Variants in SLC15A1 observed in about 807,000 individuals in gnomAD.
SLC15A1 encodes the protein solute carrier family 15 member 1.
Under a neutral mutation model 92.9 loss-of-function variants are expected in SLC15A1, and 83 were observed. The ratio of observed to expected loss-of-function variants is 0.89; its 90% CI spans 0.75 to 1.07. The LOEUF (loss-of-function observed/expected upper bound fraction) is 1.07. Ranked by LOEUF, SLC15A1 falls within the 50% of genes least tolerant of loss-of-function variation. The pLI is 0.00. For synonymous variants in SLC15A1, 322 were observed against 318.2 expected (o/e 1.01, Z -0.13); for missense variants, 857 against 880.1 (o/e 0.97, Z 0.33).
rs1229463185 is a variant in SLC15A1 at position 98,704,233 on chromosome 13, T to G, written c.1416+56A>C. ...AAAACAAAGTCACACCATAAAAATT[T>G]TGGCCTCCAGTATCACAAATAGCAA... On this transcript the variant is annotated intron_variant, in intron 17 of 22. Transcript: ENST00000376503. The G allele has an allele frequency of 2.7e-6, 4 of 1,495,550 alleles. No individual in the cohort carries two copies. In the African/African-American group the frequency reaches 4.3e-5, roughly 16 times the overall value. The allele number at this position is 1,495,550 out of a possible 1,614,324, so 92.6% of individuals were successfully genotyped here. A position where few individuals can be genotyped will look rare whatever the true frequency, so the allele number is the denominator to read the frequency against.
At chr13:98,688,638 G>A in intron 18 of SLC15A1, 61 bp from the exon 19 acceptor site, 1 of 1,227,068 alleles carries the variant, frequency 8.1e-7, no homozygotes, top group Non-Finnish European at 1.2e-6. Context: ...CTAGGTCACA[G>A]TACATGCACC....
intron 1 of SLC15A1, among the ~76,000 whole-genome samples, chr13:98,745,612 A>G (rs953360503): frequency 1.3e-5 from 2 of 152,142 alleles, no homozygotes; most frequent in African/African-American, 4.8e-5. Context: ...AAGCCAAGGA[A>G]TGCCAAAGAC....
At chr13:98,702,329 AT>A in intron 18 of SLC15A1, 150 bp downstream of exon 18, 2 of 666,182 alleles carry the variant, frequency 3.0e-6, no homozygotes, top group Non-Finnish European at 5.4e-6. Flanking sequence ...ATATGGATTG[AT>A]TTTTTTGGGG....
chr13:98,741,266 G>A (rs1055572840), intron 1 of SLC15A1, among the ~76,000 whole-genome samples: 23 of 152,338 alleles, frequency 1.5e-4, no homozygotes, highest in Admixed American at 1.3e-4. Context: ...CGCCATGAAG[G>A]CATAGCCGGC....
chr13:98,706,004 A>G, intron 16 of SLC15A1, 130 bp downstream of exon 16: 1 of 934,152 alleles, frequency 1.1e-6, no homozygotes, highest in Non-Finnish European at 1.6e-6. Context: ...CCAACATGAG[A>G]TCAAGATCCT....
intron 4 of SLC15A1, among the ~76,000 whole-genome samples, chr13:98,724,586 C>T (rs1352462183): frequency 6.6e-6 from 1 of 152,200 alleles, no homozygotes; most frequent in Non-Finnish European, 1.5e-5. Flanking sequence ...ATTCTCCTGC[C>T]TTGGCCTCCC....
At chr13:98,705,893 T>A (rs1489487407) in intron 16 of SLC15A1, among the ~76,000 whole-genome samples, 4 of 142,938 alleles carry the variant, frequency 2.8e-5, no homozygotes, top group Non-Finnish European at 6.1e-5. Flanking sequence ...AGACTCCATC[T>A]AAAAAAAAAA....
intron 7 of SLC15A1, 115 bp from the exon 8 acceptor site, chr13:98,719,435 C>T (rs988542324): frequency 6.5e-5 from 44 of 678,616 alleles, no homozygotes; most frequent in Admixed American, 2.2e-4. Context: ...CTGTTCTAGA[C>T]ATATCCATTT....
intron 8 of SLC15A1, 101 bp downstream of exon 8, chr13:98,719,136 G>T: frequency 8.1e-6 from 6 of 744,826 alleles, no homozygotes; most frequent in Admixed American, 2.3e-5. Context: ...ACTACTTTTT[G>T]TTGCCACTTG....
chr13:98,750,713 C>G (rs568171525), intron 1 of SLC15A1, among the ~76,000 whole-genome samples: 2 of 151,946 alleles, frequency 1.3e-5, no homozygotes, highest in African/African-American at 4.8e-5. Context: ...ACTGAGGGAT[C>G]TGAAGCAATT....
At chr13:98,735,377 A>G (rs2088384022) in intron 1 of SLC15A1, among the ~76,000 whole-genome samples, 1 of 152,220 alleles carries the variant, frequency 6.6e-6, no homozygotes, top group African/African-American at 2.4e-5. Flanking sequence ...CACAGCCAAT[A>G]TCATACTGAA....
chr13:98,708,059 C>G lies in SLC15A1; in HGVS notation c.1149+627G>C, dbSNP rs1247009350. 2.1e-5 allele frequency among the ~76,000 whole-genome samples: 3 copies of G among 145,032 alleles called. No homozygotes were observed. The Admixed American group carries it at 2.1e-4, about 10-fold the overall frequency. ...TCTACTTTCTTAATAAACTTGCTTT[C>G]ACTTAAAAATATAAACAAAGATATT... On this transcript the variant is annotated intron_variant, in intron 15 of 22. Coordinates refer to ENST00000376503, the MANE Select transcript of SLC15A1 (RefSeq NM_005073.4).
At chr13:98,694,992 A>G (rs7338228) in intron 18 of SLC15A1, among the ~76,000 whole-genome samples, 97,063 of 145,008 alleles carry the variant, frequency 0.67, 33,136 homozygotes, top group African/African-American at 0.76. Context: ...CTGCACTCCA[A>G]CCGGGGTGAC....
intron 16 of SLC15A1, among the ~76,000 whole-genome samples, chr13:98,704,785 C>CT (rs2088098574): frequency 6.6e-6 from 1 of 152,202 alleles, no homozygotes; most frequent in South Asian, 2.1e-4. Context: ...TACTGGGCTG[C>CT]TCCAAGCATT....
At chr13:98,748,912 C>T (rs2088518342) in intron 1 of SLC15A1, among the ~76,000 whole-genome samples, 1 of 152,214 alleles carries the variant, frequency 6.6e-6, no homozygotes, top group Non-Finnish European at 1.5e-5. Flanking sequence ...AGGCAAGAGG[C>T]CCAGCGAGCC....
intron 1 of SLC15A1, among the ~76,000 whole-genome samples, chr13:98,733,388 T>A (rs776376588): frequency 3.3e-5 from 5 of 152,242 alleles, no homozygotes; most frequent in Non-Finnish European, 5.9e-5. Context: ...TATTTGTTGG[T>A]AAAATGCTCT....
intron 8 of SLC15A1, 57 bp from the exon 9 acceptor site, chr13:98,716,017 C>T: frequency 7.3e-7 from 1 of 1,378,692 alleles, no homozygotes; most frequent in Non-Finnish European, 1.0e-6. Context: ...GCCCTGTGGC[C>T]TAGAGAGATG....
intron 1 of SLC15A1, 93 bp downstream of exon 1, chr13:98,752,502 G>T: frequency 8.6e-7 from 1 of 1,164,390 alleles, no homozygotes. Flanking sequence ...CCGCCGCCGC[G>T]TACCCTTCGC....
At chr13:98,715,306 C>T (rs2088204127) in intron 9 of SLC15A1, among the ~76,000 whole-genome samples, 1 of 152,214 alleles carries the variant, frequency 6.6e-6, no homozygotes, top group Non-Finnish European at 1.5e-5. Flanking sequence ...TCCAGAGTAG[C>T]TGGGATTACA....
Sources: allele counts gnomAD v4.1 joint callset (sites outside exome capture counted in the v4.1 genomes callset), GRCh38; gene constraint gnomAD v4.1.1; transcripts MANE v1.5; gene names NCBI Gene and HGNC (gene_info 2026-07-23, HGNC 2026-07-21).